Variants in RALYL observed in about 807,000 individuals in gnomAD.
The protein encoded by RALYL is RNA-binding Raly-like protein.
RALYL carries 29 observed loss-of-function variants against 35.1 expected under a neutral mutation model. That is an observed-to-expected ratio of 0.83 (90% CI 0.61 to 1.13). The LOEUF (loss-of-function observed/expected upper bound fraction) is 1.13, where lower values mean the gene tolerates loss of function less well. RALYL is among the 50% of genes most tolerant of loss of function. The pLI is 0.00. For synonymous variants in RALYL, 120 were observed against 127.6 expected (o/e 0.94, Z 0.40); for missense variants, 359 against 360.4 (o/e 1.00, Z 0.03).
chr8:84,451,340 AAGAG>A (rs1775692751), intron 1 of RALYL, among the ~76,000 whole-genome samples: 1 of 152,030 alleles, frequency 6.6e-6, no homozygotes, highest in African/African-American at 2.4e-5. Flanking sequence ...AAATCAGAGC[AAGAG>A]AGAGAAAGAC....
chr8:84,265,595 C>CACAG (rs1427569029), intron 1 of RALYL, among the ~76,000 whole-genome samples: 1 of 151,686 alleles, frequency 6.6e-6, no homozygotes, highest in African/African-American at 2.4e-5. Flanking sequence ...CCGAAAGGAA[C>CACAG]ACAGCCATGT....
chr8:84,409,660 T>G (rs553421943), intron 1 of RALYL, among the ~76,000 whole-genome samples: 53 of 152,116 alleles, frequency 3.5e-4, no homozygotes, highest in African/African-American at 1.3e-3. Context: ...GATATGAGAC[T>G]TTTTCCATCG....
At chr8:84,699,728 A>G (rs1427312736) in intron 2 of RALYL, among the ~76,000 whole-genome samples, 1 of 152,180 alleles carries the variant, frequency 6.6e-6, no homozygotes, top group Admixed American at 6.6e-5. Context: ...ATCTCCAATA[A>G]ACTATATAAT....
chr8:84,484,633 CA>C (rs1012568357), intron 1 of RALYL, among the ~76,000 whole-genome samples: 3 of 152,050 alleles, frequency 2.0e-5, no homozygotes, highest in Admixed American at 2.0e-4. Context: ...TGCCAATCTA[CA>C]GTATTCATTC....
intron 6 of RALYL, among the ~76,000 whole-genome samples, chr8:84,868,360 T>G (rs1411017439): frequency 6.6e-6 from 1 of 152,100 alleles, no homozygotes; most frequent in South Asian, 2.1e-4. Flanking sequence ...GCCTGGCTAA[T>G]TTCCTTATTT....
chr8:84,890,801 CA>C (rs10584780), intron 8 of RALYL, among the ~76,000 whole-genome samples: 15,041 of 142,856 alleles, frequency 0.11, 2,543 homozygotes, highest in African/African-American at 0.35. Flanking sequence ...TCAGATAGTG[CA>C]AAAAAAAAAC....
At chr8:84,816,763 A>T (rs1315193196) in intron 4 of RALYL, among the ~76,000 whole-genome samples, 1 of 152,162 alleles carries the variant, frequency 6.6e-6, no homozygotes, top group East Asian at 1.9e-4. Context: ...TAAGAGTGTA[A>T]TTGGATTGTT....
chr8:84,295,811 GTAT>G (rs1189475671), intron 1 of RALYL, among the ~76,000 whole-genome samples: 2 of 152,086 alleles, frequency 1.3e-5, no homozygotes, highest in Non-Finnish European at 2.9e-5. Flanking sequence ...CTATTTCCTA[GTAT>G]TATTCTCTAC....
At chr8:84,909,048 T>TGGCC (rs969386937) in intron 8 of RALYL, among the ~76,000 whole-genome samples, 2 of 152,142 alleles carry the variant, frequency 1.3e-5, no homozygotes, top group African/African-American at 4.8e-5. Flanking sequence ...AGCAGGCAGA[T>TGGCC]GGCCCTCTAG....
At chr8:84,432,983 A>G (rs895706094) in intron 1 of RALYL, among the ~76,000 whole-genome samples, 2 of 152,002 alleles carry the variant, frequency 1.3e-5, no homozygotes, top group Non-Finnish European at 2.9e-5. Context: ...ACACACATAC[A>G]TATATATATG....
At chr8:84,201,642 A>T (rs1247733680) in intron 1 of RALYL, among the ~76,000 whole-genome samples, 1 of 151,500 alleles carries the variant, frequency 6.6e-6, no homozygotes, top group Non-Finnish European at 1.5e-5. Flanking sequence ...GGCTCATTGT[A>T]ATCTTGAACT....
intron 2 of RALYL, among the ~76,000 whole-genome samples, chr8:84,650,761 A>G (rs1828597087): frequency 6.6e-6 from 1 of 151,648 alleles, no homozygotes; most frequent in South Asian, 2.1e-4. Flanking sequence ...TGCTATAAAG[A>G]CACATGCACA....
At chr8:84,251,754 G>A (rs1283938223) in intron 1 of RALYL, among the ~76,000 whole-genome samples, 1 of 151,912 alleles carries the variant, frequency 6.6e-6, no homozygotes, top group Non-Finnish European at 1.5e-5. Flanking sequence ...CTGATAGGCT[G>A]TTATATTTGC....
chr8:84,328,797 T>C (rs1846295818), intron 1 of RALYL, among the ~76,000 whole-genome samples: 1 of 152,140 alleles, frequency 6.6e-6, no homozygotes, highest in Admixed American at 6.6e-5. Context: ...TCTATCATTA[T>C]CAACTTTATG....
Position 84,756,852 on chromosome 8 carries a change from G to T in RALYL, c.257-17727G>T, listed in dbSNP as rs530121192. Among the ~76,000 whole-genome samples the T allele has an allele frequency of 3.0e-3, 457 of 151,396 alleles. 3 individuals carry two copies. Among genetic ancestry groups the T allele is most frequent in the African/African-American group, 0.01 (425 of 41,290 alleles). ...TCTTTACATAATGGAAGCATATTTT[G>T]ATTACTCTGTGAATAAAACCACAAT... On this transcript the variant is annotated intron_variant, in intron 2 of 8. Transcript: ENST00000521268.
chr8:84,472,792 C>G (rs188121898), intron 1 of RALYL, among the ~76,000 whole-genome samples: 20 of 152,188 alleles, frequency 1.3e-4, no homozygotes, highest in African/African-American at 4.8e-4. Flanking sequence ...ACAGTTTTTA[C>G]TTTTTCAAAA....
intron 1 of RALYL, among the ~76,000 whole-genome samples, chr8:84,246,943 T>G (rs562282342): frequency 9.9e-5 from 15 of 152,246 alleles, no homozygotes; most frequent in African/African-American, 3.4e-4. Flanking sequence ...AATACAGACT[T>G]TGGAGTGAGA....
At chr8:84,746,742 G>T (rs1808695880) in intron 2 of RALYL, among the ~76,000 whole-genome samples, 1 of 151,912 alleles carries the variant, frequency 6.6e-6, no homozygotes, top group East Asian at 1.9e-4. Flanking sequence ...GAAGAAATTT[G>T]TTGGAGTAGA....
chr8:84,421,155 G>A lies in RALYL; in HGVS notation c.-23-108144G>A, dbSNP rs1329363321. Among the ~76,000 whole-genome samples the A allele has an allele frequency of 4.1e-5, 5 of 122,642 alleles. No individual in the cohort carries two copies. In the South Asian group the frequency reaches 9.0e-4, roughly 22 times the overall value. The allele number at this position is 122,642 out of a possible 152,430, so 80.5% of individuals were successfully genotyped here. A position where few individuals can be genotyped will look rare whatever the true frequency, so the allele number is the denominator to read the frequency against. On this transcript the variant is annotated intron_variant, in intron 1 of 8. Transcript: ENST00000521268. Reference sequence around the variant, plus strand: ...CCTTGGGCAGTATGGCCATTTTCACGATATTGATTCTTCCTACCCATCAGC... The same window carrying A: ...CCTTGGGCAGTATGGCCATTTTCACAATATTGATTCTTCCTACCCATCAGC...
Sources: gnomAD v4.1 joint callset for allele counts (sites outside exome capture counted in the v4.1 genomes callset) on GRCh38, gnomAD v4.1.1 for gene constraint, MANE v1.5 for transcripts, NCBI Gene and HGNC (gene_info 2026-07-23, HGNC 2026-07-21) for gene names.